PCDHGA8: variants seen among roughly 807,000 people sequenced by gnomAD.
The protein encoded by PCDHGA8 is protocadherin gamma subfamily A, 8.
In PCDHGA8, 45 loss-of-function variants were observed where a neutral mutation model predicts 59.2. That is an observed-to-expected ratio of 0.76 (90% confidence interval 0.60 to 0.98). The LOEUF is 0.98. Ranked by LOEUF, PCDHGA8 falls within the 50% of genes least tolerant of loss-of-function variation. PCDHGA8 has a pLI of 0.00. For missense variants in PCDHGA8, 1,257 were observed against 1,196.2 expected (o/e 1.05, Z -0.75); for synonymous variants, 531 against 519.0 (o/e 1.02, Z -0.32).
intron 1 of PCDHGA8, chr5:141,418,604 G>C: frequency 6.2e-7 from 1 of 1,614,040 alleles, no homozygotes; most frequent in African/African-American, 1.3e-5. Context: ...CGTGTACAGG[G>C]TTAGCCTTCG....
chr5:141,407,478 A>G (rs1230151085), intron 1 of PCDHGA8, among the ~76,000 whole-genome samples: 1 of 144,006 alleles, frequency 6.9e-6, no homozygotes, highest in Non-Finnish European at 1.6e-5. Flanking sequence ...TGAATGGAGT[A>G]TGGAAAATCT....
In PCDHGA8 at chr5:141,491,789, T is replaced by G; in HGVS notation, c.2425-3018T>G. The G allele has an allele frequency of 6.6e-7, 1 of 1,525,854 alleles. No individual in the cohort carries two copies. Among genetic ancestry groups the G allele is most frequent in the Non-Finnish European group, 8.8e-7 (1 of 1,137,340 alleles). The allele number at this position is 1,525,854 out of a possible 1,614,324, so 94.5% of individuals were successfully genotyped here. ...CATAAGGGATTGAACTTGCATCCAC[T>G]CCTCTCCGGCCGGCTTGGTCGCTGG... On this transcript the variant is annotated intron_variant, in intron 1 of 3. Transcript: ENST00000398604. The surrounding 1 kb of genome is among the most constrained non-coding windows in gnomAD (Gnocchi z 6.9).
rs1222192652 is a variant in PCDHGA8, at chr5:141,395,070, T to C, written c.2257T>C (p.Tyr753His). ...GGAGGTACAGGCTTTCCTGCAGACCTATTCCCAGGAAGTCTCCCTCACCGC... is the reference window on the plus strand; with the variant it reads ...GGAGGTACAGGCTTTCCTGCAGACCCATTCCCAGGAAGTCTCCCTCACCGC... ...VEEVQAFLQT[Y>H]SQEVSLTADS... Residue 753 changes from tyrosine to histidine, a missense_variant, in exon 1 of 4, where the codon TAT becomes CAT. Physicochemically the swap from Tyr to His is moderately conservative, Grantham distance 83 (BLOSUM62 2). Coordinates refer to ENST00000398604, the MANE Select transcript of PCDHGA8 (RefSeq NM_032088.2). The C allele has an allele frequency of 6.2e-7, 1 of 1,614,158 alleles. No individual in the cohort carries two copies. The highest frequency in any genetic ancestry group is 8.5e-7 in the Non-Finnish European group (1 of 1,180,016).
intron 1 of PCDHGA8, among the ~76,000 whole-genome samples, chr5:141,425,325 A>G (rs1371591408): frequency 6.6e-6 from 1 of 152,240 alleles, no homozygotes. Context: ...ATCGTGGAGA[A>G]CAAAAAGGAA....
chr5:141,500,839 G>A (rs2099802871), intron 2 of PCDHGA8, among the ~76,000 whole-genome samples: 1 of 151,906 alleles, frequency 6.6e-6, no homozygotes, highest in African/African-American at 2.4e-5. Flanking sequence ...ATGCTAATGG[G>A]CTTTTGCTAC....
intron 1 of PCDHGA8, among the ~76,000 whole-genome samples, chr5:141,463,377 G>T (rs1161419035): frequency 2.7e-5 from 4 of 147,358 alleles, no homozygotes; most frequent in Non-Finnish European, 3.0e-5. Flanking sequence ...CCCACAGTCT[G>T]AAAGTTGTCT....
intron 1 of PCDHGA8, among the ~76,000 whole-genome samples, chr5:141,452,072 G>A (rs550370876): frequency 1.3e-5 from 2 of 152,272 alleles, no homozygotes; most frequent in East Asian, 1.9e-4. Flanking sequence ...ACTTTTATTA[G>A]TTGGCATTAT....
chr5:141,435,027 AC>A (rs1485237615), intron 1 of PCDHGA8, among the ~76,000 whole-genome samples: 1 of 151,978 alleles, frequency 6.6e-6, no homozygotes, highest in Non-Finnish European at 1.5e-5. Flanking sequence ...CTCTTTTCCC[AC>A]TTTTATTTTT....
At position 141,485,049 on chromosome 5, in the gene PCDHGA8, G is replaced by A; in HGVS notation, c.2425-9758G>A. The A allele has an allele frequency of 1.3e-6, 1 of 780,438 alleles. No individual in the cohort carries two copies. 48.3% of individuals were successfully genotyped at this position (780,438 alleles called of 1,614,324 possible). ...AACGGCGCGTAACCCTTGCGGCGCC[G>A]GCCGAACCGCGCCAGAGCTGGCGCG... On this transcript the variant is annotated intron_variant, in intron 1 of 3. Coordinates refer to ENST00000398604, the MANE Select transcript of PCDHGA8 (RefSeq NM_032088.2). This position sits in a 1 kb window ranked among gnomAD's most constrained non-coding sequence, Gnocchi z 5.7.
Position 141,411,472 on chromosome 5 carries a change from T to G in PCDHGA8, c.2424+16235T>G, listed in dbSNP as rs546914871. ...GGTAGCATTCCCCTGTGGTCCCAGC[T>G]ACTTGGGAGGCTGAGCTGGGTGGAT... On this transcript the variant is annotated intron_variant, in intron 1 of 3. Coordinates refer to ENST00000398604, the MANE Select transcript of PCDHGA8 (RefSeq NM_032088.2). 2.6e-5 allele frequency: 4 copies of G among 151,948 alleles called. 1 individual carries two copies. The South Asian group carries it at 8.3e-4, about 32-fold the overall frequency. The allele number at this position is 151,948 out of a possible 1,614,324, so 9.4% of individuals were successfully genotyped here.
chr5:141,428,858 GACT>G (rs1348026268), intron 1 of PCDHGA8: 1 of 139,194 alleles, frequency 7.2e-6, no homozygotes, highest in African/African-American at 3.0e-5. Flanking sequence ...TTTTACGGGA[GACT>G]TTTTTTTTTT....
rs946798767 is a variant in PCDHGA8 at position 141,438,591 on chromosome 5, C to CATATAT, written c.2424+43394_2424+43399dup. Among the ~76,000 whole-genome samples the CATATAT allele has an allele frequency of 1.5e-3, 111 of 75,470 alleles. 1 individual carries two copies. Among genetic ancestry groups the CATATAT allele is most frequent in the Non-Finnish European group, 2.3e-3 (84 of 37,244 alleles). 49.5% of individuals were successfully genotyped at this position (75,470 alleles called of 152,430 possible). A position where few individuals can be genotyped will look rare whatever the true frequency, so the allele number is the denominator to read the frequency against. ...TCTGATATACATACATACATACATA[C>CATATAT]ATATATATATATATATATATATATA... On this transcript the variant is annotated intron_variant, in intron 1 of 3. Transcript: ENST00000398604.
rs368718827 is a variant in PCDHGA8, at chr5:141,410,231, G to A, written c.2424+14994G>A. On this transcript the variant is annotated intron_variant, in intron 1 of 3. Transcript: ENST00000398604. ...GCAAGAGATACTGCCAGACCTCAGC[G>A]ACCGCCCTGTACTCTCTGACCCCCA... 8.7e-6 allele frequency: 14 copies of A among 1,613,888 alleles called. No homozygotes were observed. The highest frequency in any genetic ancestry group is 1.6e-4 in the Middle Eastern group (1 of 6,084).
intron 1 of PCDHGA8, among the ~76,000 whole-genome samples, chr5:141,483,638 G>A (rs1159840764): frequency 1.4e-5 from 2 of 147,222 alleles, no homozygotes; most frequent in South Asian, 2.1e-4. Flanking sequence ...AGGTATAGAG[G>A]GGTGTGTGTT....
At chr5:141,409,743 T>C in intron 1 of PCDHGA8, 2 of 1,613,048 alleles carry the variant, frequency 1.2e-6, no homozygotes, top group Non-Finnish European at 1.7e-6. Flanking sequence ...AGCGGGGTGG[T>C]GTTCGCGCAG....
At chr5:141,409,192 G>A in intron 1 of PCDHGA8, 4 of 1,614,000 alleles carry the variant, frequency 2.5e-6, no homozygotes, top group Non-Finnish European at 3.4e-6. Context: ...TCTCTACCCA[G>A]TGTAAAGTAA....
intron 1 of PCDHGA8, chr5:141,408,182 C>G: frequency 6.5e-7 from 1 of 1,537,898 alleles, no homozygotes; most frequent in Non-Finnish European, 8.8e-7. Flanking sequence ...AGCGGGGACC[C>G]AGCGAGAACC....
chr5:141,411,785 G>A (rs2095515346), intron 1 of PCDHGA8: 1 of 152,310 alleles, frequency 6.6e-6, no homozygotes, highest in South Asian at 2.1e-4. Context: ...TGGTGGCTGT[G>A]GTGGGAGAAT....
At chr5:141,497,129 T>G (rs528066007) in intron 2 of PCDHGA8, among the ~76,000 whole-genome samples, 1 of 151,692 alleles carries the variant, frequency 6.6e-6, no homozygotes, top group Admixed American at 6.6e-5. Flanking sequence ...GAGGTTGCAG[T>G]GAGCTGAGAT....
Sources: allele counts gnomAD v4.1 joint callset (sites outside exome capture counted in the v4.1 genomes callset), GRCh38; gene constraint gnomAD v4.1.1; non-coding constraint Gnocchi (gnomAD v3.1); transcripts MANE v1.5; gene names NCBI Gene and HGNC (gene_info 2026-07-23, HGNC 2026-07-21).